The following MESD variants were observed in gnomAD, a reference collection of about 807,000 sequenced individuals.
MESD encodes the protein mesoderm development LRP chaperone.
A neutral mutation model predicts 12.9 loss-of-function variants in MESD; 7 were observed. The ratio of observed to expected loss-of-function variants is 0.54; its 90% confidence interval spans 0.31 to 1.02. The LOEUF is 1.02. Among genes scored for constraint, MESD ranks in the 50% least tolerant of loss-of-function variants. MESD has a pLI of 0.05. For missense variants in MESD, 342 were observed against 296.7 expected, an observed-to-expected ratio of 1.15 and a Z score of -1.12; for synonymous variants, 126 against 115.6, an observed-to-expected ratio of 1.09 and a Z score of -0.58.
At chr15:80,953,353 A>T (rs983249540) in intron 3 of MESD, among the ~76,000 whole-genome samples, 1 of 152,148 alleles carries the variant, frequency 6.6e-6, no homozygotes, top group Non-Finnish European at 1.5e-5. Flanking sequence ...CCAACGAGGA[A>T]CCGTCGAGCA....
At chr15:80,988,995 G>A (rs1181256263) in intron 1 of MESD, among the ~76,000 whole-genome samples, 3 of 152,172 alleles carry the variant, frequency 2.0e-5, no homozygotes, top group African/African-American at 7.2e-5. Context: ...ACGATACAGA[G>A]CCATTAGCCA....
intron 3 of MESD, among the ~76,000 whole-genome samples, chr15:80,967,495 C>T (rs1298013029): frequency 2.0e-5 from 3 of 152,142 alleles, no homozygotes; most frequent in African/African-American, 7.2e-5. Flanking sequence ...GGACTTGCCA[C>T]CCTGTTTATA....
intron 3 of MESD, among the ~76,000 whole-genome samples, chr15:80,964,081 A>G (rs1234852642): frequency 6.6e-6 from 1 of 152,196 alleles, no homozygotes; most frequent in Admixed American, 6.5e-5. Flanking sequence ...AAAAATCCCC[A>G]TTGTCTCAGC....
chr15:80,961,228 T>C (rs13379584), intron 3 of MESD, among the ~76,000 whole-genome samples: 2,864 of 151,020 alleles, frequency 0.019, 79 homozygotes, highest in African/African-American at 0.066. Context: ...GCTGAGACTC[T>C]GCTGATATTT....
At chr15:80,952,617 C>CGT (rs113669846) in intron 3 of MESD, among the ~76,000 whole-genome samples, 6,752 of 149,236 alleles carry the variant, frequency 0.045, 165 homozygotes, top group African/African-American at 0.052. Flanking sequence ...AACTATGTCT[C>CGT]GTGTGTGTGT....
Position 80,962,827 on chromosome 15 carries a change from A to G in MESD, c.*289-10531T>C, listed in dbSNP as rs1902111293. Among the ~76,000 whole-genome samples the G allele has an allele frequency of 1.3e-5, 2 of 152,266 alleles. 1 individual carries two copies. The highest frequency in any genetic ancestry group is 4.1e-4 in the South Asian group (2 of 4,838). On this transcript the variant is annotated intron_variant, in intron 3 of 4. Transcript: ENST00000561312. ...CAATGTACCAGAATCTGAGGGACAC[A>G]TTTAAAGCAGTGTGTAGAGGGAAAT...
At chr15:80,989,160 T>C (rs1327321307) in intron 1 of MESD, among the ~76,000 whole-genome samples, 7 of 152,092 alleles carry the variant, frequency 4.6e-5, no homozygotes, top group African/African-American at 1.7e-4. Context: ...CAACCCACTC[T>C]CCCACCCACT....
At chr15:80,973,596 A>G (rs1289808317), downstream of MESD, among the ~76,000 whole-genome samples, 2 of 152,162 alleles carry the variant, frequency 1.3e-5, no homozygotes, top group South Asian at 2.1e-4. Context: ...TTCAGGGAAT[A>G]TGAACTTCTA....
intron 1 of MESD, among the ~76,000 whole-genome samples, chr15:80,985,289 G>C (rs139979464): frequency 2.0e-5 from 3 of 152,274 alleles, no homozygotes; most frequent in Non-Finnish European, 4.4e-5. Flanking sequence ...GAAAGCTGAG[G>C]GTAATAACAG....
At chr15:80,969,968 T>C (rs1336880889) in intron 3 of MESD, among the ~76,000 whole-genome samples, 3 of 152,244 alleles carry the variant, frequency 2.0e-5, no homozygotes, top group African/African-American at 4.8e-5. Flanking sequence ...GGGATGACAG[T>C]ATTTACTGCA....
chr15:80,964,643 G>C (rs536810946), intron 3 of MESD, among the ~76,000 whole-genome samples: 1 of 152,122 alleles, frequency 6.6e-6, no homozygotes, highest in African/African-American at 2.4e-5. Context: ...ACAGAACAGA[G>C]GCCTGAGAAA....
chr15:80,969,729 C>T (rs1360635846), intron 3 of MESD, among the ~76,000 whole-genome samples: 1 of 152,144 alleles, frequency 6.6e-6, no homozygotes. Context: ...GTGGCGGGTG[C>T]CTGTAATCCC....
chr15:80,975,215 A>C (rs924653198), downstream of MESD, among the ~76,000 whole-genome samples: 5 of 148,654 alleles, frequency 3.4e-5, no homozygotes, highest in Admixed American at 6.8e-5. Context: ...CTCCAAAAAA[A>C]AAAAACAAAA....
At chr15:80,952,517 C>T (rs181347395) in intron 3 of MESD, among the ~76,000 whole-genome samples, 4 of 152,232 alleles carry the variant, frequency 2.6e-5, no homozygotes, top group East Asian at 1.9e-4. Flanking sequence ...AGGATAGAGT[C>T]GATATAAAAC....
At position 80,989,770 on chromosome 15, in the gene MESD, G is replaced by C. The variant is rs758532744; in HGVS notation, c.22C>G (p.Arg8Gly). Residue 8 changes from arginine (R) to glycine (G), a missense_variant, in exon 1 of 3, where the codon CGC becomes GGC. Physicochemically the swap from Arg to Gly is moderately radical, Grantham distance 125. Transcript: ENST00000261758. The stretch of plus-strand genomic sequence containing the variant: ...GCACAAAGCAGGACCACGGCCTTGC[G>C]CGCCCACCTGGAAGCCGCCATTTTC... MAASRWARKAVVLLCASD... is the reference protein window; with the variant it reads MAASRWAGKAVVLLCASD... The C allele has an allele frequency of 3.1e-6, 5 of 1,591,040 alleles. No individual in the cohort carries two copies. The highest frequency in any genetic ancestry group is 1.1e-5 in the South Asian group (1 of 90,414).
intron 3 of MESD, among the ~76,000 whole-genome samples, chr15:80,956,569 T>C (rs972100230): frequency 2.6e-5 from 4 of 152,158 alleles, no homozygotes; most frequent in East Asian, 3.9e-4. Flanking sequence ...GAATTTACAA[T>C]TGGGGTAAGG....
chr15:80,965,464 A>G (rs764589787), intron 3 of MESD, among the ~76,000 whole-genome samples: 22 of 152,216 alleles, frequency 1.4e-4, no homozygotes, highest in Non-Finnish European at 2.5e-4. Flanking sequence ...TATATGCCCA[A>G]AGGATTATAA....
chr15:80,981,012 G>C (rs1328116591), intron 2 of MESD, among the ~76,000 whole-genome samples: 1 of 151,844 alleles, frequency 6.6e-6, no homozygotes. Context: ...TTTTAGTAGA[G>C]ACAGGGTTTC....
chr15:80,960,036 A>T (rs572146098), intron 3 of MESD, among the ~76,000 whole-genome samples: 1 of 152,146 alleles, frequency 6.6e-6, no homozygotes, highest in East Asian at 1.9e-4. Context: ...CCAGCTCATC[A>T]CTGACAGAAG....
Sources: allele counts gnomAD v4.1 joint callset (sites outside exome capture counted in the v4.1 genomes callset), GRCh38; gene constraint gnomAD v4.1.1; transcripts MANE v1.5; gene names NCBI Gene and HGNC (gene_info 2026-07-23, HGNC 2026-07-21).